DMD: variants seen among roughly 807,000 people sequenced by gnomAD.
DMD encodes mutant dystrophin.
Under a neutral mutation model 330.1 loss-of-function variants are expected in DMD, and 63 were observed. That is an observed-to-expected ratio of 0.19 (90% CI 0.16 to 0.24). The LOEUF (loss-of-function observed/expected upper bound fraction) is 0.24. Among genes scored for constraint, DMD ranks in the 10% least tolerant of loss-of-function variants. The pLI is 1.00. For synonymous variants in DMD, 1,223 were observed against 959.8 expected (o/e 1.27, Z -5.07); for missense variants, 3,344 against 2,684.1 (o/e 1.25, Z -5.43).
At chrX:31,394,938 T>TGTGAGAGAGAGAGAGAGAGA (rs1556617022) in intron 60 of DMD, among the ~76,000 whole-genome samples, 18 of 86,852 alleles carry the variant, frequency 2.1e-4, no homozygotes, top group Non-Finnish European at 3.7e-4. Context: ...GAGAGAAGGG[T>TGTGAGAGAGAGAGAGAGAGA]GAGAGAGAGA....
intron 55 of DMD, among the ~76,000 whole-genome samples, chrX:31,592,452 A>G (rs916872443): frequency 2.8e-5 from 3 of 105,469 alleles, no homozygotes; most frequent in Non-Finnish European, 5.9e-5. Flanking sequence ...CCAATTTTCA[A>G]TGATTTAATA....
chrX:31,527,936 T>C (rs771980813), intron 55 of DMD, among the ~76,000 whole-genome samples: 10 of 111,596 alleles, frequency 9.0e-5, no homozygotes, highest in Non-Finnish European at 1.5e-4. Flanking sequence ...TTCTCTTTTC[T>C]GCAGTGAACT....
chrX:31,185,021 G>A (rs964090286), intron 67 of DMD, among the ~76,000 whole-genome samples: 17 of 101,301 alleles, frequency 1.7e-4, no homozygotes, highest in Non-Finnish European at 1.0e-4. Context: ...GCTAGATGAC[G>A]AGTTAGTGGG....
intron 60 of DMD, among the ~76,000 whole-genome samples, chrX:31,439,295 C>T (rs1204197433): frequency 1.8e-5 from 2 of 111,438 alleles, no homozygotes; most frequent in Non-Finnish European, 3.8e-5. Context: ...TTTAGTATGT[C>T]CTTGGACCAA....
chrX:31,895,023 G>T (rs2094312149), intron 47 of DMD, among the ~76,000 whole-genome samples: 1 of 111,764 alleles, frequency 8.9e-6, no homozygotes, highest in Non-Finnish European at 1.9e-5. Context: ...CAGGCAGTAT[G>T]CTAGGTAAAT....
At chrX:32,692,833 T>G (rs970412618) in intron 9 of DMD, among the ~76,000 whole-genome samples, 1 of 112,099 alleles carries the variant, frequency 8.9e-6, no homozygotes, top group African/African-American at 3.2e-5. Context: ...ATCTAACCCC[T>G]GATGTATCTA....
intron 60 of DMD, among the ~76,000 whole-genome samples, chrX:31,360,562 G>A (rs1474031843): frequency 8.9e-6 from 1 of 112,420 alleles, no homozygotes; most frequent in Non-Finnish European, 1.9e-5. Flanking sequence ...GAGAGGATAA[G>A]CTGCCAGAAA....
At chrX:32,846,723 T>TAAAAAAAA (rs10564725) in intron 3 of DMD, among the ~76,000 whole-genome samples, 4 of 53,578 alleles carry the variant, frequency 7.5e-5, no homozygotes, top group African/African-American at 1.4e-4. Context: ...ACTTTAGATT[T>TAAAAAAAA]AAAAAAAAAA....
chrX:31,126,571 C>T, intron 78 of DMD, 71 bp downstream of exon 78: 2 of 989,681 alleles, frequency 2.0e-6, no homozygotes, highest in Non-Finnish European at 2.9e-6. Context: ...ACAATTCTTA[C>T]ACAAACGCCA....
rs763466563 is a variant in DMD, at chrX:32,061,537, G to A, written c.6439-93023C>T. ...CAAGCATATCGGCCATTCCTGGTGG[G>A]GTCCAGTTCATTATTTCAGTAGACG... is the stretch of plus-strand genomic sequence containing the variant. On this transcript the variant is annotated intron_variant, in intron 44 of 78. Transcript: ENST00000357033. 2.7e-5 allele frequency among the ~76,000 whole-genome samples: 3 copies of A among 111,124 alleles called. No homozygotes were observed. In the South Asian group the frequency reaches 1.1e-3, roughly 42 times the overall value.
chrX:31,473,711 C>CAAA lies in DMD; in HGVS notation c.8937+4392_8937+4394dup, dbSNP rs55752684. Among the ~76,000 whole-genome samples the CAAA allele has an allele frequency of 1.2e-4, 5 of 40,145 alleles. 1 individual carries two copies. The highest frequency in any genetic ancestry group is 2.8e-3 in the South Asian group (2 of 711). The allele number at this position is 40,145 out of a possible 115,157, so 34.9% of individuals were successfully genotyped here. On this transcript the variant is annotated intron_variant, in intron 59 of 78. Transcript: ENST00000357033. ...CTGGTGACAGAGTGAGACTCTGTCT[C>CAAA]AAAAAAAAAAAAAAAAAGAAAACAA...
At chrX:33,081,990 C>A (rs1363859542) in intron 1 of DMD, among the ~76,000 whole-genome samples, 2 of 105,448 alleles carry the variant, frequency 1.9e-5, no homozygotes, top group Non-Finnish European at 3.9e-5. Flanking sequence ...AAAACGGGTT[C>A]TGTGGTGCCT....
At chrX:32,033,664 G>GA (rs1159848034) in intron 44 of DMD, among the ~76,000 whole-genome samples, 43 of 65,993 alleles carry the variant, frequency 6.5e-4, no homozygotes, top group African/African-American at 2.6e-3. Flanking sequence ...AAGAAAGAAA[G>GA]AAAGAAAGGA....
At chrX:33,022,346 G>A (rs1337680338) in intron 1 of DMD, among the ~76,000 whole-genome samples, 1 of 110,193 alleles carries the variant, frequency 9.1e-6, no homozygotes, top group Non-Finnish European at 1.9e-5. Context: ...GGTAAGCATC[G>A]AAGGCAGCAC....
intron 44 of DMD, among the ~76,000 whole-genome samples, chrX:32,093,024 A>C (rs1372181721): frequency 9.0e-6 from 1 of 111,009 alleles, no homozygotes; most frequent in Non-Finnish European, 1.9e-5. Context: ...ACCACTACTT[A>C]ATTAGTTTTT....
At chrX:33,276,257 C>A (rs746496690) in intron 1 of DMD, among the ~76,000 whole-genome samples, 6 of 111,374 alleles carry the variant, frequency 5.4e-5, no homozygotes, top group African/African-American at 1.6e-4. Context: ...TGCATGATGA[C>A]GGTCACATCA....
At chrX:32,768,780 T>C (rs1214606215) in intron 7 of DMD, among the ~76,000 whole-genome samples, 4 of 112,314 alleles carry the variant, frequency 3.6e-5, no homozygotes, top group African/African-American at 1.3e-4. Flanking sequence ...ATGAAGCTGA[T>C]AGTTCCTAAC....
chrX:31,863,216 G>A (rs978986480), intron 48 of DMD, among the ~76,000 whole-genome samples: 5 of 112,172 alleles, frequency 4.5e-5, no homozygotes, highest in African/African-American at 1.6e-4. Context: ...GGTGGCGGGC[G>A]CCTGTAGTCC....
At chrX:31,476,597 G>A (rs1240647180) in intron 59 of DMD, among the ~76,000 whole-genome samples, 2 of 108,994 alleles carry the variant, frequency 1.8e-5, no homozygotes, top group East Asian at 5.8e-4. Flanking sequence ...AGGAAGAAAA[G>A]GGCCACGTAA....
Sources: allele counts gnomAD v4.1 joint callset (sites outside exome capture counted in the v4.1 genomes callset), GRCh38; gene constraint gnomAD v4.1.1; transcripts MANE v1.5; gene names NCBI Gene and HGNC (gene_info 2026-07-23, HGNC 2026-07-21).